Variants in ARHGAP24 observed in about 807,000 individuals in gnomAD.
ARHGAP24 encodes rho GTPase-activating protein 24.
ARHGAP24 carries 50 observed loss-of-function variants against 76.4 expected under a neutral mutation model. The ratio of observed to expected loss-of-function variants is 0.65; its 90% confidence interval spans 0.52 to 0.83. The LOEUF (loss-of-function observed/expected upper bound fraction) is 0.83, where lower values mean the gene tolerates loss of function less well. Ranked by LOEUF, ARHGAP24 falls within the 40% of genes least tolerant of loss-of-function variation. The probability of loss-of-function intolerance (pLI) is 0.00; values close to 1 mark genes in which losing one functional copy is unlikely to be tolerated. For synonymous variants in ARHGAP24, 345 were observed against 323.3 expected (o/e 1.07, Z -0.72); for missense variants, 930 against 914.2 (o/e 1.02, Z -0.22).
intron 3 of ARHGAP24, among the ~76,000 whole-genome samples, chr4:85,917,868 A>G (rs1735510145): frequency 6.6e-6 from 1 of 152,204 alleles, no homozygotes; most frequent in Non-Finnish European, 1.5e-5. Context: ...GTACAATAAA[A>G]TGTTTCTTAG....
chr4:85,744,188 T>C (rs1208438837), intron 3 of ARHGAP24, among the ~76,000 whole-genome samples: 2 of 152,238 alleles, frequency 1.3e-5, no homozygotes, highest in Non-Finnish European at 2.9e-5. Flanking sequence ...ATAGAAGCCA[T>C]GTTCTACTTG....
intron 3 of ARHGAP24, chr4:85,827,859 C>G: frequency 1.6e-6 from 2 of 1,256,854 alleles, no homozygotes; most frequent in South Asian, 2.5e-5. Flanking sequence ...CACAGTAGGA[C>G]CTGAGTTGGG....
At chr4:85,476,963 A>T (rs1722623195) in intron 1 of ARHGAP24, among the ~76,000 whole-genome samples, 1 of 152,174 alleles carries the variant, frequency 6.6e-6, no homozygotes, top group Non-Finnish European at 1.5e-5. Context: ...CAAGTCCAGA[A>T]ATCTGTTCTC....
At chr4:85,482,565 A>C (rs1476517869) in intron 1 of ARHGAP24, among the ~76,000 whole-genome samples, 1 of 152,196 alleles carries the variant, frequency 6.6e-6, no homozygotes, top group African/African-American at 2.4e-5. Context: ...AGGTCACAGG[A>C]TAACAAGTGC....
At chr4:85,585,697 A>G (rs1004137116) in intron 2 of ARHGAP24, among the ~76,000 whole-genome samples, 1 of 152,212 alleles carries the variant, frequency 6.6e-6, no homozygotes. Context: ...TCCATCTCCA[A>G]GGAAAGGAAA....
intron 8 of ARHGAP24, 86 bp downstream of exon 8, chr4:85,977,777 C>A: frequency 1.3e-6 from 2 of 1,518,698 alleles, no homozygotes; most frequent in Non-Finnish European, 9.1e-7. Context: ...TCTGAGCAAA[C>A]CAAGGTAATA....
At chr4:85,916,617 G>A (rs1176213279) in intron 3 of ARHGAP24, among the ~76,000 whole-genome samples, 1 of 152,134 alleles carries the variant, frequency 6.6e-6, no homozygotes, top group Non-Finnish European at 1.5e-5. Context: ...TCTGTAGTCT[G>A]TAATAAAATG....
At chr4:85,861,127 G>A (rs190334062) in intron 3 of ARHGAP24, among the ~76,000 whole-genome samples, 3 of 152,078 alleles carry the variant, frequency 2.0e-5, no homozygotes, top group Admixed American at 2.0e-4. Context: ...CCTATAGCCA[G>A]ATACTGTTTC....
chr4:85,890,270 T>C (rs1196495277), intron 3 of ARHGAP24, among the ~76,000 whole-genome samples: 3 of 152,220 alleles, frequency 2.0e-5, no homozygotes, highest in South Asian at 2.1e-4. Flanking sequence ...GCCCCCTGAC[T>C]TTCTGTTCAC....
intron 3 of ARHGAP24, among the ~76,000 whole-genome samples, chr4:85,832,861 A>C (rs1197112543): frequency 6.6e-6 from 1 of 152,126 alleles, no homozygotes; most frequent in African/African-American, 2.4e-5. Flanking sequence ...GCAGGGGTAG[A>C]AATAGTGTCC....
At chr4:85,681,423 T>C (rs926781040) in intron 2 of ARHGAP24, among the ~76,000 whole-genome samples, 1 of 152,162 alleles carries the variant, frequency 6.6e-6, no homozygotes, top group African/African-American at 2.4e-5. Flanking sequence ...TTAAACATGA[T>C]GTAAGTTCAA....
At position 85,992,145 on chromosome 4, in the gene ARHGAP24, C is replaced by T. The variant is rs1260485664; in HGVS notation, c.929-2438C>T. The T allele has an allele frequency of 3.8e-5, 15 of 397,732 alleles. No homozygotes were observed. In the East Asian group the frequency reaches 5.3e-4, roughly 14 times the overall value. The allele number at this position is 397,732 out of a possible 1,614,324, so 24.6% of individuals were successfully genotyped here. On this transcript the variant is annotated intron_variant, in intron 8 of 9. Coordinates refer to ENST00000395184, the MANE Select transcript of ARHGAP24 (RefSeq NM_001025616.3). Reference sequence around the variant, plus strand: ...CAGTCTGACCTCATTATCTGGGCTTCATGTTCCTCATTGGCATTCTAAGAA... The same window carrying T: ...CAGTCTGACCTCATTATCTGGGCTTTATGTTCCTCATTGGCATTCTAAGAA...
At chr4:85,556,901 G>T (rs1345246908) in intron 1 of ARHGAP24, among the ~76,000 whole-genome samples, 1 of 152,136 alleles carries the variant, frequency 6.6e-6, no homozygotes, top group East Asian at 1.9e-4. Context: ...CCAGGAGGGG[G>T]TCACTAAAGT....
intron 4 of ARHGAP24, among the ~76,000 whole-genome samples, chr4:85,932,319 A>G (rs537273759): frequency 1.3e-5 from 2 of 152,320 alleles, no homozygotes; most frequent in South Asian, 2.1e-4. Context: ...TTCCCCTTCT[A>G]GTTCCCCAGC....
intron 3 of ARHGAP24, among the ~76,000 whole-genome samples, chr4:85,830,447 G>C (rs966825837): frequency 6.6e-6 from 1 of 152,110 alleles, no homozygotes; most frequent in African/African-American, 2.4e-5. Context: ...TGCTAGGCTT[G>C]GGAACCTACC....
At chr4:85,814,358 G>C (rs1049530040) in intron 3 of ARHGAP24, among the ~76,000 whole-genome samples, 1 of 152,078 alleles carries the variant, frequency 6.6e-6, no homozygotes, top group African/African-American at 2.4e-5. Context: ...CTGAGACAAG[G>C]CAAGTCCCTT....
At chr4:85,698,957 C>T (rs538898397) in intron 2 of ARHGAP24, among the ~76,000 whole-genome samples, 16 of 152,274 alleles carry the variant, frequency 1.1e-4, no homozygotes, top group African/African-American at 3.1e-4. Flanking sequence ...CACCACCCCC[C>T]ACTTGCTCCT....
intron 3 of ARHGAP24, among the ~76,000 whole-genome samples, chr4:85,911,146 G>C (rs1051181114): frequency 3.3e-5 from 5 of 152,178 alleles, no homozygotes; most frequent in African/African-American, 1.2e-4. Context: ...AGGAGGGCGG[G>C]GCTCCTGCCT....
At chr4:85,974,130 A>G (rs1739185157) in intron 6 of ARHGAP24, among the ~76,000 whole-genome samples, 1 of 151,204 alleles carries the variant, frequency 6.6e-6, no homozygotes, top group African/African-American at 2.4e-5. Context: ...TGCTGAGATT[A>G]CAGGCGTGAG....
Sources: allele counts gnomAD v4.1 joint callset (sites outside exome capture counted in the v4.1 genomes callset), GRCh38; gene constraint gnomAD v4.1.1; transcripts MANE v1.5; gene names NCBI Gene and HGNC (gene_info 2026-07-23, HGNC 2026-07-21).